The following TNC variants were observed in gnomAD, a reference collection of about 807,000 sequenced individuals.
TNC encodes the protein tenascin C, also known as tenascin.
Under a neutral mutation model 202.4 loss-of-function variants are expected in TNC, and 109 were observed. That is an observed-to-expected ratio of 0.54 (90% CI 0.46 to 0.63). The LOEUF is 0.63. Among genes scored for constraint, TNC ranks in the 30% least tolerant of loss-of-function variants. The pLI is 0.00. For synonymous variants in TNC, 1,007 were observed against 1,089.7 expected, an observed-to-expected ratio of 0.92 and a Z score of 1.50; for missense variants, 2,756 against 2,833.3, an observed-to-expected ratio of 0.97 and a Z score of 0.62.
chr9:115,045,659 G>C (rs992203180), intron 17 of TNC, among the ~76,000 whole-genome samples: 4 of 147,706 alleles, frequency 2.7e-5, no homozygotes, highest in African/African-American at 1.0e-4. Flanking sequence ...TGGGATTACA[G>C]GTGTGAGCCA....
At chr9:115,072,507 T>G (rs1022419457) in intron 10 of TNC, among the ~76,000 whole-genome samples, 3 of 152,242 alleles carry the variant, frequency 2.0e-5, no homozygotes, top group African/African-American at 7.2e-5. Flanking sequence ...TTTCCAAATA[T>G]GTCCACACTT....
rs1047461697 is a variant in TNC at position 115,109,635 on chromosome 9, C to G, written c.-137+8347G>C. On this transcript the variant is annotated intron_variant, in intron 1 of 27. Coordinates refer to ENST00000350763, the MANE Select transcript of TNC (RefSeq NM_002160.4). Reference sequence around the variant, plus strand: ...TCTCTTGTGACTCAGCCTCAAATCCCCAGACAGGACTCCTCTGTCCTTGGT... The same window carrying G: ...TCTCTTGTGACTCAGCCTCAAATCCGCAGACAGGACTCCTCTGTCCTTGGT... 2.0e-5 allele frequency among the ~76,000 whole-genome samples: 3 copies of G among 152,222 alleles called. No individual in the cohort carries two copies. The East Asian group carries it at 5.8e-4, about 29-fold the overall frequency.
In TNC at chr9:115,090,983, A is replaced by G. The variant is rs201490649; in HGVS notation, c.36T>C (p.Phe12=). 192 of 1,613,398 alleles carry G rather than the reference A, an allele frequency of 1.2e-4. No individual in the cohort carries two copies. Among genetic ancestry groups the G allele is most frequent in the Non-Finnish European group, 1.6e-4 (185 of 1,180,038 alleles). Residue 12 remains phenylalanine (F), a synonymous_variant, in exon 2 of 28, where the codon TTT becomes TTC. Coordinates refer to ENST00000350763, the MANE Select transcript of TNC (RefSeq NM_002160.4). Reference sequence around the variant, plus strand: ...CGGTAGCGAGGGCAAGGAAAGCAAGAAAGACACCTGCCAACAGCTGAGTCA... The same window carrying G: ...CGGTAGCGAGGGCAAGGAAAGCAAGGAAGACACCTGCCAACAGCTGAGTCA... ...GAMTQLLAGV[F]LAFLALATEG... is the part of the protein sequence containing the mutation.
At chr9:115,024,565 T>G (rs1291663627) in intron 26 of TNC, among the ~76,000 whole-genome samples, 1 of 152,210 alleles carries the variant, frequency 6.6e-6, no homozygotes, top group Non-Finnish European at 1.5e-5. Flanking sequence ...TTACTATGAT[T>G]GTTATTTTTA....
intron 17 of TNC, among the ~76,000 whole-genome samples, chr9:115,043,914 T>C (rs1830970559): frequency 6.6e-6 from 1 of 152,198 alleles, no homozygotes. Context: ...ATGGTTACTG[T>C]GGGTAAAGAA....
chr9:115,082,597 C>A, intron 5 of TNC, 95 bp downstream of exon 5: 1 of 840,176 alleles, frequency 1.2e-6, no homozygotes, highest in Non-Finnish European at 1.9e-6. Flanking sequence ...CCACCAAAAA[C>A]TAAGGAAAAT....
intron 2 of TNC, among the ~76,000 whole-genome samples, chr9:115,087,527 GGTGTGTGTGTGT>G (rs57327715): frequency 6.1e-5 from 9 of 148,734 alleles, no homozygotes; most frequent in African/African-American, 9.9e-5. Context: ...TATGCATAGG[GGTGTGTGTGTGT>G]GTGTGTGTGT....
At position 115,042,335 on chromosome 9, in the gene TNC, C is replaced by G; in HGVS notation, c.5132G>C (p.Gly1711Ala). The change falls in exon 18 of 28, where the codon GGC becomes GCC. Residue 1711 changes from glycine to alanine, a missense_variant. Gly to Ala is a moderately conservative substitution (Grantham distance 60). Transcript: ENST00000350763. The stretch of plus-strand genomic sequence containing the variant: ...TGAGAAAATGACTTCCTTTGGGGAG[C>G]CCATGGCTGTCAAGAAGAAAGCACA... ...TVSAIATTAM[G>A]SPKEVIFSDI... The G allele has an allele frequency of 6.2e-7, 1 of 1,613,936 alleles. No individual in the cohort carries two copies. Among genetic ancestry groups the G allele is most frequent in the Non-Finnish European group, 8.5e-7 (1 of 1,179,904 alleles).
Position 115,063,885 on chromosome 9 carries a change from C to T in TNC, c.3671G>A (p.Gly1224Glu). The change falls in exon 12 of 28, where the codon GGG becomes GAG. Residue 1224 changes from glycine to glutamate, a missense_variant. Gly to Glu is a moderately conservative substitution (Grantham distance 98). Coordinates refer to ENST00000350763, the MANE Select transcript of TNC (RefSeq NM_002160.4). ...PGGLRSTDLP[G>E]LKAATHYTIT... The stretch of plus-strand genomic sequence containing the variant: ...GGTATAATGAGTGGCTGCTTTGAGC[C>T]CAGGCAGGTCTGTGGACCTCAGTCC... The T allele has an allele frequency of 6.2e-7, 1 of 1,614,150 alleles. No individual in the cohort carries two copies. Among genetic ancestry groups the T allele is most frequent in the Non-Finnish European group, 8.5e-7 (1 of 1,180,024 alleles).
chr9:115,108,053 G>A (rs1331108179), intron 1 of TNC, among the ~76,000 whole-genome samples: 1 of 152,162 alleles, frequency 6.6e-6, no homozygotes, highest in Non-Finnish European at 1.5e-5. Flanking sequence ...CTGAGGCCTG[G>A]CTGTGCTCAT....
In TNC at chr9:115,029,445, T is replaced by C; in HGVS notation, c.6084A>G (p.Arg2028=). Residue 2028 remains arginine, a synonymous_variant, in exon 25 of 28, where the codon AGA becomes AGG. Transcript: ENST00000350763. The part of the protein sequence containing the change: ...SDGGGWIVFL[R]RKNGRENFYQ... Reference sequence around the variant, plus strand: ...AGAAGTTCTCGCGTCCGTTTTTGCGTCTCAGGAACACCTATAAACATATCG... The same window carrying C: ...AGAAGTTCTCGCGTCCGTTTTTGCGCCTCAGGAACACCTATAAACATATCG... The C allele has an allele frequency of 6.2e-7, 1 of 1,614,146 alleles. No homozygotes were observed. The highest frequency in any genetic ancestry group is 8.5e-7 in the Non-Finnish European group (1 of 1,179,998).
At chr9:115,097,805 G>C (rs1372742556) in intron 1 of TNC, among the ~76,000 whole-genome samples, 2 of 152,190 alleles carry the variant, frequency 1.3e-5, no homozygotes, top group African/African-American at 4.8e-5. Context: ...TGTTCTACTA[G>C]GGTATAAAAT....
At chr9:115,113,840 T>A (rs1837258340) in intron 1 of TNC, among the ~76,000 whole-genome samples, 1 of 152,164 alleles carries the variant, frequency 6.6e-6, no homozygotes, top group Non-Finnish European at 1.5e-5. Context: ...TTGCTTTTAT[T>A]CCATGATGAA....
intron 10 of TNC, among the ~76,000 whole-genome samples, chr9:115,070,196 A>G (rs1224084983): frequency 6.6e-6 from 1 of 152,220 alleles, no homozygotes; most frequent in Non-Finnish European, 1.5e-5. Flanking sequence ...AACCTAGAGC[A>G]GCTTGAAGGG....
Position 115,063,753 on chromosome 9 carries a change from A to T in TNC, c.3760+43T>A, listed in dbSNP as rs1187716733. The T allele has an allele frequency of 5.1e-6, 8 of 1,580,174 alleles. No homozygotes were observed. In the East Asian group the frequency reaches 1.8e-4, roughly 36 times the overall value. On this transcript the variant is annotated intron_variant, in intron 12 of 27. Coordinates refer to ENST00000350763, the MANE Select transcript of TNC (RefSeq NM_002160.4). ...AAGTGCTTTGATTCCTCCCGAGCAG[A>T]GACAAAGGGGAGGAAGTGAATTAGT...
chr9:115,027,702 C>A (rs982685729), intron 25 of TNC, among the ~76,000 whole-genome samples: 10 of 151,980 alleles, frequency 6.6e-5, no homozygotes, highest in African/African-American at 2.4e-4. Flanking sequence ...CTGGGGTAGG[C>A]AGTGGTGCAT....
Position 115,038,249 on chromosome 9 carries a change from A to C in TNC, c.5512+12T>G. ...CTCCTTAGAGTGAGGAGAGACTTGG[A>C]CAAAACCTTACCTTTCTCGCCTGTG... On this transcript the variant is annotated intron_variant, in intron 20 of 27. Coordinates refer to ENST00000350763, the MANE Select transcript of TNC (RefSeq NM_002160.4). 1 of 1,613,060 alleles carries C rather than the reference A, an allele frequency of 6.2e-7. No homozygotes were observed. Among genetic ancestry groups the C allele is most frequent in the South Asian group, 1.1e-5 (1 of 90,926 alleles).
At chr9:115,039,791 A>G (rs1020128002) in intron 19 of TNC, among the ~76,000 whole-genome samples, 3 of 152,242 alleles carry the variant, frequency 2.0e-5, no homozygotes, top group Non-Finnish European at 2.9e-5. Context: ...GGTGATGACA[A>G]TGGGGCATTG....
At chr9:115,053,285 C>T (rs1395536972) in intron 15 of TNC, among the ~76,000 whole-genome samples, 1 of 152,040 alleles carries the variant, frequency 6.6e-6, no homozygotes, top group African/African-American at 2.4e-5. Flanking sequence ...ATTTGCTAGT[C>T]ATGTATGAAG....
Sources: allele counts gnomAD v4.1 joint callset (sites outside exome capture counted in the v4.1 genomes callset), GRCh38; gene constraint gnomAD v4.1.1; transcripts MANE v1.5; gene names NCBI Gene and HGNC (gene_info 2026-07-23, HGNC 2026-07-21).